The following PDGFD variants were observed in gnomAD, a reference collection of about 807,000 sequenced individuals.
PDGFD encodes platelet-derived growth factor D.
A neutral mutation model predicts 44.7 loss-of-function variants in PDGFD; 30 were observed. That is an observed-to-expected ratio of 0.67 (90% CI 0.50 to 0.91). The LOEUF is 0.91. Among genes scored for constraint, PDGFD ranks in the 40% least tolerant of loss-of-function variants. The pLI, the probability that PDGFD is intolerant of heterozygous loss-of-function variation, is 0.00. For synonymous variants in PDGFD, 173 were observed against 168.4 expected, an observed-to-expected ratio of 1.03 and a Z score of -0.21; for missense variants, 445 against 457.8, an observed-to-expected ratio of 0.97 and a Z score of 0.25.
chr11:103,963,045 T>G (rs965813637), intron 3 of PDGFD, among the ~76,000 whole-genome samples: 1 of 152,190 alleles, frequency 6.6e-6, no homozygotes, highest in Non-Finnish European at 1.5e-5. Flanking sequence ...TACCTCAATA[T>G]TCTTATCTGA....
intron 2 of PDGFD, 82 bp from the exon 3 acceptor site, chr11:103,996,327 G>A (rs1859534356): frequency 1.7e-6 from 2 of 1,185,254 alleles, no homozygotes; most frequent in Admixed American, 2.2e-5. Flanking sequence ...ATTAAAACTA[G>A]CATATATGAT....
intron 1 of PDGFD, among the ~76,000 whole-genome samples, chr11:104,150,534 C>T (rs896803810): frequency 1.3e-5 from 2 of 152,160 alleles, no homozygotes; most frequent in Non-Finnish European, 2.9e-5. Flanking sequence ...AGGCTTAAAA[C>T]AACACACATT....
At chr11:104,024,796 C>G (rs1860017593) in intron 1 of PDGFD, among the ~76,000 whole-genome samples, 1 of 152,136 alleles carries the variant, frequency 6.6e-6, no homozygotes, top group Non-Finnish European at 1.5e-5. Flanking sequence ...AGGTCTCTGT[C>G]AAAAATGTGC....
rs529518039 is a variant in PDGFD, at chr11:104,031,728, G to C, written c.125-31473C>G. On this transcript the variant is annotated intron_variant, in intron 1 of 6. Coordinates refer to ENST00000393158, the MANE Select transcript of PDGFD (RefSeq NM_025208.5). The stretch of plus-strand genomic sequence containing the variant: ...TTGCAGCACTATTCACAATAACAAA[G>C]ACATGGAGTCAACCCAAATGCCCAA... Among the ~76,000 whole-genome samples the C allele has an allele frequency of 3.9e-5, 6 of 152,192 alleles. No individual in the cohort carries two copies. In the South Asian group the frequency reaches 1.2e-3, roughly 32 times the overall value.
chr11:104,001,458 G>C (rs950953634), intron 1 of PDGFD, among the ~76,000 whole-genome samples: 2 of 152,142 alleles, frequency 1.3e-5, no homozygotes, highest in Admixed American at 6.5e-5. Context: ...TCAAACCTGG[G>C]GGTTTATAGG....
intron 1 of PDGFD, among the ~76,000 whole-genome samples, chr11:104,094,632 T>C (rs765130811): frequency 6.6e-5 from 10 of 152,132 alleles, no homozygotes; most frequent in Non-Finnish European, 1.0e-4. Flanking sequence ...ATTTGACAAG[T>C]TCCATTCATT....
intron 5 of PDGFD, among the ~76,000 whole-genome samples, chr11:103,934,973 C>A (rs529173497): frequency 6.6e-6 from 1 of 152,142 alleles, no homozygotes; most frequent in South Asian, 2.1e-4. Context: ...TCTAGTGGGG[C>A]ATAAAGGAAA....
chr11:104,126,526 T>C (rs1244095534), intron 1 of PDGFD, among the ~76,000 whole-genome samples: 18 of 152,204 alleles, frequency 1.2e-4, no homozygotes. Context: ...AAAAACAATC[T>C]TTGTTGATGA....
At chr11:104,142,115 C>T (rs1862093710) in intron 1 of PDGFD, among the ~76,000 whole-genome samples, 1 of 152,052 alleles carries the variant, frequency 6.6e-6, no homozygotes, top group Admixed American at 6.6e-5. Context: ...ACATATATAT[C>T]ACATACACAT....
intron 6 of PDGFD, among the ~76,000 whole-genome samples, chr11:103,913,927 TG>T (rs1264381143): frequency 1.1e-4 from 16 of 151,750 alleles, no homozygotes; most frequent in African/African-American, 3.6e-4. Context: ...TGGACACATA[TG>T]TAGCCTGTAT....
At chr11:103,919,672 C>T (rs887956750) in intron 6 of PDGFD, among the ~76,000 whole-genome samples, 14 of 151,850 alleles carry the variant, frequency 9.2e-5, no homozygotes, top group Admixed American at 7.2e-4. Flanking sequence ...CCACGCCTGG[C>T]TAATTTTTGT....
rs77364462 is a variant in PDGFD, at chr11:104,095,704, T to C, written c.124+68100A>G. ...CCTTTAAGATTTAGTCTATAAAACA[T>C]GCTCCATAGAAAAGTCTATCATCTC... On this transcript the variant is annotated intron_variant, in intron 1 of 6. Coordinates refer to ENST00000393158, the MANE Select transcript of PDGFD (RefSeq NM_025208.5). Among the ~76,000 whole-genome samples the C allele has an allele frequency of 1.6e-3, 248 of 152,308 alleles. 1 individual carries two copies. Among genetic ancestry groups the C allele is most frequent in the African/African-American group, 5.6e-3 (231 of 41,574 alleles).
At chr11:103,936,985 G>A (rs528773658) in intron 5 of PDGFD, among the ~76,000 whole-genome samples, 5 of 151,808 alleles carry the variant, frequency 3.3e-5, no homozygotes, top group African/African-American at 4.8e-5. Flanking sequence ...TGCTTCACGC[G>A]TGGCTAACTT....
intron 3 of PDGFD, among the ~76,000 whole-genome samples, chr11:103,962,542 G>A (rs1858953916): frequency 6.6e-6 from 1 of 152,170 alleles, no homozygotes; most frequent in Non-Finnish European, 1.5e-5. Context: ...AAATGAAGAG[G>A]AGGCAAGTTG....
chr11:103,928,879 A>ACAAGGTGACATC (rs1591080628), intron 5 of PDGFD, among the ~76,000 whole-genome samples: 1 of 152,244 alleles, frequency 6.6e-6, no homozygotes, highest in East Asian at 1.9e-4. Context: ...ATCATCCATT[A>ACAAGGTGACATC]CAAGTGTCAC....
intron 1 of PDGFD, among the ~76,000 whole-genome samples, chr11:104,155,929 G>A (rs1263289672): frequency 6.6e-6 from 1 of 152,144 alleles, no homozygotes; most frequent in African/African-American, 2.4e-5. Flanking sequence ...GAGCTCTTCA[G>A]TCCAAAGAAG....
At chr11:104,056,587 ATTCCTGAGAG>A (rs1475594649) in intron 1 of PDGFD, among the ~76,000 whole-genome samples, 1 of 152,102 alleles carries the variant, frequency 6.6e-6, no homozygotes, top group Non-Finnish European at 1.5e-5. Context: ...AACACCAAGG[ATTCCTGAGAG>A]TTAGAAGCTG....
intron 1 of PDGFD, among the ~76,000 whole-genome samples, chr11:104,015,657 T>C (rs932535743): frequency 6.6e-6 from 1 of 152,220 alleles, no homozygotes; most frequent in Non-Finnish European, 1.5e-5. Context: ...ATGTACTGAA[T>C]GAAATGGGTT....
intron 1 of PDGFD, among the ~76,000 whole-genome samples, chr11:104,158,253 C>T (rs1862336840): frequency 6.6e-6 from 1 of 152,202 alleles, no homozygotes; most frequent in Non-Finnish European, 1.5e-5. Flanking sequence ...TGTGATAATA[C>T]ATGTGGAGCT....
Sources: allele counts gnomAD v4.1 joint callset (sites outside exome capture counted in the v4.1 genomes callset), GRCh38; gene constraint gnomAD v4.1.1; transcripts MANE v1.5; gene names NCBI Gene and HGNC (gene_info 2026-07-23, HGNC 2026-07-21).